Variants in TSSK2 observed in about 807,000 individuals in gnomAD.
The protein encoded by TSSK2 is testis specific serine kinase 2, also known as testis-specific serine/threonine-protein kinase 2.
Under a neutral mutation model 14.2 loss-of-function variants are expected in TSSK2, and 5 were observed. The ratio of observed to expected loss-of-function variants is 0.35; its 90% CI spans 0.18 to 0.74. TSSK2 has a LOEUF of 0.74. Ranked by LOEUF, TSSK2 falls within the 30% of genes least tolerant of loss-of-function variation. The pLI is 0.56. For synonymous variants in TSSK2, 209 were observed against 201.9 expected (o/e 1.04, Z -0.30); for missense variants, 439 against 491.1 (o/e 0.89, Z 1.00).
In TSSK2 at chr22:19,131,561, G is replaced by A; in HGVS notation, c.162G>A (p.Glu54=). Residue 54 remains glutamate (E), a synonymous_variant, in exon 1 of 1, where the codon GAG becomes GAA. Transcript: ENST00000399635. This position sits in a 1 kb window ranked among gnomAD's most constrained non-coding sequence, Gnocchi z 5.7. ...AGAAAACACCTACTGACTTTGTGGA[G>A]AGATTCCTTCCTCGGGAGATGGACA... is the stretch of plus-strand genomic sequence containing the variant. The part of the protein sequence containing the change: ...DRKKTPTDFV[E]RFLPREMDIL... 1 of 1,614,164 alleles carries A rather than the reference G, an allele frequency of 6.2e-7. No homozygotes were observed. Among genetic ancestry groups the A allele is most frequent in the East Asian group, 2.2e-5 (1 of 44,872 alleles).
chr22:19,131,810 C>T lies in TSSK2; in HGVS notation c.411C>T (p.Leu137=). The part of the protein sequence containing the change: ...CHDLDIVHRD[L]KCENLLLDKD... ...ACCTGGACATCGTCCACCGGGACCT[C>T]AAGTGCGAGAACCTTCTCCTCGACA... is the stretch of plus-strand genomic sequence containing the variant. Residue 137 remains leucine, a synonymous_variant, in exon 1 of 1, where the codon CTC becomes CTT. Transcript: ENST00000399635. This position sits in a 1 kb window ranked among gnomAD's most constrained non-coding sequence, Gnocchi z 5.7. The T allele has an allele frequency of 4.3e-6, 7 of 1,614,212 alleles. No individual in the cohort carries two copies. The highest frequency in any genetic ancestry group is 5.9e-6 in the Non-Finnish European group (7 of 1,180,028).
In TSSK2 at chr22:19,131,764, C is replaced by T. The variant is rs753649793; in HGVS notation, c.365C>T (p.Ser122Phe). 1.9e-6 allele frequency: 3 copies of T among 1,614,082 alleles called. No homozygotes were observed. The African/African-American group carries it at 4.0e-5, about 22-fold the overall frequency. ...CGCAAGATGTTCCGACAGCTCTCCT[C>T]CGCCGTCAAGTACTGCCACGACCTG... is the stretch of plus-strand genomic sequence containing the variant. The part of the protein sequence containing the change: ...VARKMFRQLS[S>F]AVKYCHDLDI... The change falls in exon 1 of 1, where the codon TCC (serine) becomes TTC (phenylalanine). Residue 122 changes from serine to phenylalanine, a missense_variant. Coordinates refer to ENST00000399635, the MANE Select transcript of TSSK2 (RefSeq NM_053006.5). This position sits in a 1 kb window ranked among gnomAD's most constrained non-coding sequence, Gnocchi z 5.7.
At position 19,131,813 on chromosome 22, in the gene TSSK2, G is replaced by A. The variant is rs764357812; in HGVS notation, c.414G>A (p.Lys138=). 12 of 1,614,054 alleles carry A rather than the reference G, an allele frequency of 7.4e-6. No homozygotes were observed. In the South Asian group the frequency reaches 1.3e-4, roughly 18 times the overall value. Residue 138 remains lysine (K), a synonymous_variant, in exon 1 of 1, where the codon AAG becomes AAA. Transcript: ENST00000399635. The surrounding 1 kb of genome is among the most constrained non-coding windows in gnomAD (Gnocchi z 5.7). The part of the protein sequence containing the change: ...HDLDIVHRDL[K]CENLLLDKDF... ...TGGACATCGTCCACCGGGACCTCAAGTGCGAGAACCTTCTCCTCGACAAGG... is the reference window on the plus strand; with the variant it reads ...TGGACATCGTCCACCGGGACCTCAAATGCGAGAACCTTCTCCTCGACAAGG...
At position 19,132,508 on chromosome 22, in the gene TSSK2, G is replaced by T. The variant is rs750317045; in HGVS notation, c.*32G>T. On this transcript the variant is annotated 3_prime_UTR_variant, in exon 1 of 1. Coordinates refer to ENST00000399635, the MANE Select transcript of TSSK2 (RefSeq NM_053006.5). The surrounding 1 kb of genome is among the most constrained non-coding windows in gnomAD (Gnocchi z 4.2). ...AATGGCCCCGTTGTGTGTGGTGGGGGTCGGGGTTGGGGGGCATGGTGCAGT... is the reference window on the plus strand; with the variant it reads ...AATGGCCCCGTTGTGTGTGGTGGGGTTCGGGGTTGGGGGGCATGGTGCAGT... 2 of 1,571,710 alleles carry T rather than the reference G, an allele frequency of 1.3e-6. No individual in the cohort carries two copies. The highest frequency in any genetic ancestry group is 1.2e-5 in the South Asian group (1 of 84,906).
rs141030556 is a variant in TSSK2, at chr22:19,131,823, C to G, written c.424C>G (p.Leu142Val). Residue 142 changes from leucine to valine, a missense_variant, in exon 1 of 1, where the codon CTT becomes GTT. Transcript: ENST00000399635. The surrounding 1 kb of genome is among the most constrained non-coding windows in gnomAD (Gnocchi z 5.7). ...IVHRDLKCENLLLDKDFNIKL... is the reference protein window; with the variant it reads ...IVHRDLKCENVLLDKDFNIKL... Reference sequence around the variant, plus strand: ...CCACCGGGACCTCAAGTGCGAGAACCTTCTCCTCGACAAGGACTTCAACAT... The same window carrying G: ...CCACCGGGACCTCAAGTGCGAGAACGTTCTCCTCGACAAGGACTTCAACAT... The G allele has an allele frequency of 3.1e-4, 505 of 1,614,182 alleles. No individual in the cohort carries two copies. Among genetic ancestry groups the G allele is most frequent in the Admixed American group, 8.0e-4 (48 of 60,024 alleles).
At position 19,132,368 on chromosome 22, in the gene TSSK2, G is replaced by A. The variant is rs748715816; in HGVS notation, c.969G>A (p.Leu323=). ...HKLGAKTQHR[L]LVVPENENRM... ...TTGGAGCCAAAACCCAGCACCGGCTGCTGGTGGTGCCCGAGAACGAGAACA... is the reference window on the plus strand; with the variant it reads ...TTGGAGCCAAAACCCAGCACCGGCTACTGGTGGTGCCCGAGAACGAGAACA... Residue 323 remains leucine, a synonymous_variant, in exon 1 of 1, where the codon CTG becomes CTA. Coordinates refer to ENST00000399635, the MANE Select transcript of TSSK2 (RefSeq NM_053006.5). This position sits in a 1 kb window ranked among gnomAD's most constrained non-coding sequence, Gnocchi z 4.2. The A allele has an allele frequency of 1.2e-6, 2 of 1,613,202 alleles. No individual in the cohort carries two copies. The highest frequency in any genetic ancestry group is 1.7e-6 in the Non-Finnish European group (2 of 1,180,022).
At position 19,132,153 on chromosome 22, in the gene TSSK2, A is replaced by G. The variant is rs2083515219; in HGVS notation, c.754A>G (p.Met252Val). The G allele has an allele frequency of 6.2e-7, 1 of 1,613,336 alleles. No homozygotes were observed. Among genetic ancestry groups the G allele is most frequent in the Non-Finnish European group, 8.5e-7 (1 of 1,179,412 alleles). Residue 252 changes from methionine (M) to valine (V), a missense_variant, in exon 1 of 1, where the codon ATG becomes GTG. By Grantham distance (21) the Met-to-Val change is conservative (BLOSUM62 1). Coordinates refer to ENST00000399635, the MANE Select transcript of TSSK2 (RefSeq NM_053006.5). The surrounding 1 kb of genome is among the most constrained non-coding windows in gnomAD (Gnocchi z 4.2). Reference sequence around the variant, plus strand: ...CGAGTGCAAGGACCTCATCTACCGCATGCTGCAGCCCGACGTCAGCCAGCG... The same window carrying G: ...CGAGTGCAAGGACCTCATCTACCGCGTGCTGCAGCCCGACGTCAGCCAGCG... ...TCECKDLIYR[M>V]LQPDVSQRLH...
rs2083520262 is a variant in TSSK2 at position 19,132,490 on chromosome 22, C to T, written c.*14C>T. 6 of 1,593,020 alleles carry T rather than the reference C, an allele frequency of 3.8e-6. No homozygotes were observed. The highest frequency in any genetic ancestry group is 4.3e-6 in the Non-Finnish European group (5 of 1,167,516). ...GCAAGCACCTAGCATGACAATGGCC[C>T]CGTTGTGTGTGGTGGGGGTCGGGGT... On this transcript the variant is annotated 3_prime_UTR_variant, in exon 1 of 1. Coordinates refer to ENST00000399635, the MANE Select transcript of TSSK2 (RefSeq NM_053006.5). The surrounding 1 kb of genome is among the most constrained non-coding windows in gnomAD (Gnocchi z 4.2).
At position 19,131,324 on chromosome 22, in the gene TSSK2, G is replaced by A. The variant is rs896932986; in HGVS notation, c.-76G>A. ...AGCCCAGCCAGACGCCTCCGGTAGT[G>A]TAAATGAGGACAATGCCTGCTGGCC... On this transcript the variant is annotated 5_prime_UTR_variant, in exon 1 of 1. Transcript: ENST00000399635. The surrounding 1 kb of genome is among the most constrained non-coding windows in gnomAD (Gnocchi z 5.7). The A allele has an allele frequency of 1.5e-6, 2 of 1,363,512 alleles. No homozygotes were observed. Among genetic ancestry groups the A allele is most frequent in the Non-Finnish European group, 1.0e-6 (1 of 988,796 alleles). The allele number at this position is 1,363,512 out of a possible 1,614,324, so 84.5% of individuals were successfully genotyped here. A position where few individuals can be genotyped will look rare whatever the true frequency, so the allele number is the denominator to read the frequency against.
At position 19,131,464 on chromosome 22, in the gene TSSK2, C is replaced by G; in HGVS notation, c.65C>G (p.Ser22Cys). Residue 22 changes from serine to cysteine, a missense_variant, in exon 1 of 1, where the codon TCC becomes TGC. Transcript: ENST00000399635. The surrounding 1 kb of genome is among the most constrained non-coding windows in gnomAD (Gnocchi z 5.7). ...YIVGINLGKG[S>C]YAKVKSAYSE... is the part of the protein sequence containing the mutation. Reference sequence around the variant, plus strand: ...GTAGGCATCAATCTTGGCAAGGGTTCCTACGCAAAAGTCAAATCTGCCTAC... The same window carrying G: ...GTAGGCATCAATCTTGGCAAGGGTTGCTACGCAAAAGTCAAATCTGCCTAC... The G allele has an allele frequency of 1.2e-6, 2 of 1,614,082 alleles. No individual in the cohort carries two copies. The highest frequency in any genetic ancestry group is 4.5e-5 in the East Asian group (2 of 44,876).
chr22:19,131,861 CTT>C lies in TSSK2; in HGVS notation c.464_465del (p.Phe155TrpfsTer43). 6.2e-7 allele frequency: 1 copy of C among 1,614,192 alleles called. No homozygotes were observed. Among genetic ancestry groups the C allele is most frequent in the Non-Finnish European group, 8.5e-7 (1 of 1,180,034 alleles). On this transcript the variant is annotated frameshift_variant, in exon 1 of 1. Transcript: ENST00000399635. LOFTEE classifies it high-confidence loss of function. This position sits in a 1 kb window ranked among gnomAD's most constrained non-coding sequence, Gnocchi z 5.7. ...DKDFNIKLSDFGFSKRCLRDS... is the reference protein window; with the variant it reads ...DKDFNIKLSDXGFSKRCLRDS... Reference sequence around the variant, plus strand: ...AGGACTTCAACATCAAGCTGTCTGACTTTGGCTTCTCCAAGCGCTGCCTGCGG... The same window carrying C: ...AGGACTTCAACATCAAGCTGTCTGACTGGCTTCTCCAAGCGCTGCCTGCGG...
chr22:19,131,502 A>C lies in TSSK2; in HGVS notation c.103A>C (p.Lys35Gln). ...KVKSAYSERL[K>Q]FNVAVKIIDR... The stretch of plus-strand genomic sequence containing the variant: ...CAAATCTGCCTACTCTGAGCGCCTC[A>C]AGTTCAATGTGGCTGTCAAGATCAT... The change falls in exon 1 of 1, where the codon AAG becomes CAG. Residue 35 changes from lysine (K) to glutamine (Q), a missense_variant. By Grantham distance (53) the Lys-to-Gln change is moderately conservative. Coordinates refer to ENST00000399635, the MANE Select transcript of TSSK2 (RefSeq NM_053006.5). The surrounding 1 kb of genome is among the most constrained non-coding windows in gnomAD (Gnocchi z 5.7). 1 of 1,614,126 alleles carries C rather than the reference A, an allele frequency of 6.2e-7. No individual in the cohort carries two copies. Among genetic ancestry groups the C allele is most frequent in the Non-Finnish European group, 8.5e-7 (1 of 1,180,020 alleles).
At position 19,132,215 on chromosome 22, in the gene TSSK2, G is replaced by A. The variant is rs2083515994; in HGVS notation, c.816G>A (p.Leu272=). 1.9e-6 allele frequency: 3 copies of A among 1,612,258 alleles called. No homozygotes were observed. Among genetic ancestry groups the A allele is most frequent in the African/African-American group, 1.3e-5 (1 of 74,888 alleles). The part of the protein sequence containing the change: ...HIDEILSHSW[L]QPPKPKATSS... ...ATGAGATCCTCAGCCACTCGTGGCT[G>A]CAGCCCCCCAAGCCCAAAGCCACGT... is the stretch of plus-strand genomic sequence containing the variant. The change falls in exon 1 of 1, where the codon CTG becomes CTA. Residue 272 remains leucine (L), a synonymous_variant. Transcript: ENST00000399635. The surrounding 1 kb of genome is among the most constrained non-coding windows in gnomAD (Gnocchi z 4.2).
chr22:19,131,980 C>T lies in TSSK2; in HGVS notation c.581C>T (p.Pro194Leu), dbSNP rs1287629652. The T allele has an allele frequency of 6.2e-7, 1 of 1,614,168 alleles. No individual in the cohort carries two copies. The highest frequency in any genetic ancestry group is 1.7e-5 in the Admixed American group (1 of 60,034). Residue 194 changes from proline to leucine, a missense_variant, in exon 1 of 1, where the codon CCC (proline) becomes CTC (leucine). By Grantham distance (98) the Pro-to-Leu change is moderately conservative. Transcript: ENST00000399635. The surrounding 1 kb of genome is among the most constrained non-coding windows in gnomAD (Gnocchi z 5.7). ...GTGCTGCAGAGCATCCCCTACCAGC[C>T]CAAGGTGTATGACATCTGGAGCCTG... ...PEVLQSIPYQPKVYDIWSLGV... is the reference protein window; with the variant it reads ...PEVLQSIPYQLKVYDIWSLGV...
In TSSK2 at chr22:19,131,439, G is replaced by A. The variant is rs780434649; in HGVS notation, c.40G>A (p.Val14Ile). The A allele has an allele frequency of 1.1e-5, 17 of 1,613,476 alleles. No individual in the cohort carries two copies. Among genetic ancestry groups the A allele is most frequent in the Middle Eastern group, 3.3e-4 (2 of 6,084 alleles). The change falls in exon 1 of 1, where the codon GTA becomes ATA. Residue 14 changes from valine to isoleucine, a missense_variant. Transcript: ENST00000399635. The surrounding 1 kb of genome is among the most constrained non-coding windows in gnomAD (Gnocchi z 5.7). ...AGTCCTAAGGAAGAAGGGTTACATC[G>A]TAGGCATCAATCTTGGCAAGGGTTC... is the stretch of plus-strand genomic sequence containing the variant. ...ATVLRKKGYI[V>I]GINLGKGSYA...
In TSSK2 at chr22:19,132,125, C is replaced by G. The variant is rs760423172; in HGVS notation, c.726C>G (p.Thr242=). 2.5e-6 allele frequency: 4 copies of G among 1,612,776 alleles called. No individual in the cohort carries two copies. Among genetic ancestry groups the G allele is most frequent in the Non-Finnish European group, 3.4e-6 (4 of 1,178,862 alleles). Residue 242 remains threonine (T), a synonymous_variant, in exon 1 of 1, where the codon ACC becomes ACG. Transcript: ENST00000399635. The surrounding 1 kb of genome is among the most constrained non-coding windows in gnomAD (Gnocchi z 4.2). ...ACTTCCCGCGCTCCAAGAACCTGAC[C>G]TGCGAGTGCAAGGACCTCATCTACC... is the stretch of plus-strand genomic sequence containing the variant. ...RVDFPRSKNL[T]CECKDLIYRM...
rs1223759882 is a variant in TSSK2 at position 19,131,380 on chromosome 22, C to T, written c.-20C>T. Reference sequence around the variant, plus strand: ...GACGGGGGGATGTAGACGGCAGCGGCGCCAGTCGCTCCTGGCACCATGGAC... The same window carrying T: ...GACGGGGGGATGTAGACGGCAGCGGTGCCAGTCGCTCCTGGCACCATGGAC... On this transcript the variant is annotated 5_prime_UTR_variant, in exon 1 of 1. Coordinates refer to ENST00000399635, the MANE Select transcript of TSSK2 (RefSeq NM_053006.5). This position sits in a 1 kb window ranked among gnomAD's most constrained non-coding sequence, Gnocchi z 5.7. 9 of 1,549,534 alleles carry T rather than the reference C, an allele frequency of 5.8e-6. No homozygotes were observed. Among genetic ancestry groups the T allele is most frequent in the Middle Eastern group, 1.7e-4 (1 of 5,784 alleles).
chr22:19,131,527 T>A lies in TSSK2; in HGVS notation c.128T>A (p.Ile43Asn). The A allele has an allele frequency of 6.2e-7, 1 of 1,614,158 alleles. No individual in the cohort carries two copies. The highest frequency in any genetic ancestry group is 8.5e-7 in the Non-Finnish European group (1 of 1,180,026). The change falls in exon 1 of 1, where the codon ATC (isoleucine) becomes AAC (asparagine). Residue 43 changes from isoleucine (I) to asparagine (N), a missense_variant. Transcript: ENST00000399635. This position sits in a 1 kb window ranked among gnomAD's most constrained non-coding sequence, Gnocchi z 5.7. ...AAGTTCAATGTGGCTGTCAAGATCA[T>A]CGACCGCAAGAAAACACCTACTGAC... ...RLKFNVAVKI[I>N]DRKKTPTDFV...
In TSSK2 at chr22:19,131,894, C is replaced by A. The variant is rs1163471289; in HGVS notation, c.495C>A (p.Ser165Arg). The A allele has an allele frequency of 6.2e-6, 10 of 1,614,108 alleles. No individual in the cohort carries two copies. In the South Asian group the frequency reaches 1.1e-4, roughly 18 times the overall value. ...TCTCCAAGCGCTGCCTGCGGGACAG[C>A]AATGGGCGCATCATCCTCAGCAAGA... is the stretch of plus-strand genomic sequence containing the variant. ...FGFSKRCLRDSNGRIILSKTF... is the reference protein window; with the variant it reads ...FGFSKRCLRDRNGRIILSKTF... The change falls in exon 1 of 1, where the codon AGC becomes AGA. Residue 165 changes from serine to arginine, a missense_variant. Transcript: ENST00000399635. This position sits in a 1 kb window ranked among gnomAD's most constrained non-coding sequence, Gnocchi z 5.7.
Sources: allele counts gnomAD v4.1 joint callset, GRCh38; gene constraint gnomAD v4.1.1; non-coding constraint Gnocchi (gnomAD v3.1); transcripts MANE v1.5; gene names NCBI Gene and HGNC (gene_info 2026-07-23, HGNC 2026-07-21).